Variants in CDC42SE2 observed in about 807,000 individuals in gnomAD.
CDC42SE2 encodes CDC42 small effector 2, also known as CDC42 small effector protein 2.
CDC42SE2 carries 3 observed loss-of-function variants against 11.5 expected under a neutral mutation model. The observed-to-expected ratio is 0.26, with a 90% confidence interval of 0.12 to 0.67. The LOEUF (loss-of-function observed/expected upper bound fraction) is 0.67, where lower values mean the gene tolerates loss of function less well. Among genes scored for constraint, CDC42SE2 ranks in the 30% least tolerant of loss-of-function variants. The probability of loss-of-function intolerance (pLI) is 0.80; values close to 1 mark genes in which losing one functional copy is unlikely to be tolerated. For missense variants in CDC42SE2, 82 were observed against 106.8 expected (o/e 0.77, Z 1.02); for synonymous variants, 33 against 34.8 (o/e 0.95, Z 0.18).
chr5:131,242,063 T>C (rs144434646), upstream of CDC42SE2, among the ~76,000 whole-genome samples: 9 of 152,348 alleles, frequency 5.9e-5, no homozygotes, highest in East Asian at 1.5e-3. Context: ...AATGAAAGCC[T>C]GGTATCTTAT....
chr5:131,306,704 A>G (rs940661951), intron 1 of CDC42SE2, among the ~76,000 whole-genome samples: 8 of 152,162 alleles, frequency 5.3e-5, no homozygotes, highest in Admixed American at 5.2e-4. Context: ...TAACAACATT[A>G]AAGATTCCAA....
intron 1 of CDC42SE2, among the ~76,000 whole-genome samples, chr5:131,284,621 T>C (rs1175304746): frequency 6.6e-6 from 1 of 152,106 alleles, no homozygotes; most frequent in Non-Finnish European, 1.5e-5. Flanking sequence ...CAGGCACATG[T>C]CATCATGCCC....
At chr5:131,367,251 A>G (rs1749888311) in intron 3 of CDC42SE2, among the ~76,000 whole-genome samples, 1 of 152,034 alleles carries the variant, frequency 6.6e-6, no homozygotes, top group Non-Finnish European at 1.5e-5. Flanking sequence ...CTGTTGGTGG[A>G]CATTTGAGTA....
At chr5:131,308,747 G>C (rs1005451114) in intron 1 of CDC42SE2, among the ~76,000 whole-genome samples, 1 of 149,364 alleles carries the variant, frequency 6.7e-6, no homozygotes, top group Non-Finnish European at 1.5e-5. Flanking sequence ...CTCTCTGTTT[G>C]TCTGTTGTTG....
chr5:131,344,805 CAGA>C (rs1034592134), intron 2 of CDC42SE2, among the ~76,000 whole-genome samples: 1 of 152,184 alleles, frequency 6.6e-6, no homozygotes, highest in African/African-American at 2.4e-5. Flanking sequence ...ACAAAGCTTC[CAGA>C]AGAAGGATCA....
At chr5:131,266,584 C>T (rs1013715281) in intron 1 of CDC42SE2, among the ~76,000 whole-genome samples, 1 of 151,734 alleles carries the variant, frequency 6.6e-6, no homozygotes. Flanking sequence ...CTCAGCCTCC[C>T]ATGTAGCTGG....
chr5:131,304,071 C>T (rs1757735112), intron 1 of CDC42SE2, among the ~76,000 whole-genome samples: 1 of 151,966 alleles, frequency 6.6e-6, no homozygotes, highest in Non-Finnish European at 1.5e-5. Context: ...GGAATCCTTG[C>T]ACCTCAGCCT....
chr5:131,349,715 G>A (rs988025493), intron 2 of CDC42SE2, among the ~76,000 whole-genome samples: 1 of 151,860 alleles, frequency 6.6e-6, no homozygotes, highest in African/African-American at 2.4e-5. Context: ...ATTTTATGCA[G>A]GTATTAAAAT....
chr5:131,338,674 A>G (rs1020625513), intron 2 of CDC42SE2, among the ~76,000 whole-genome samples: 2 of 152,204 alleles, frequency 1.3e-5, no homozygotes, highest in Admixed American at 1.3e-4. Context: ...AAACTAGAAC[A>G]TACAAAGATT....
chr5:131,300,884 A>G lies in CDC42SE2; in HGVS notation c.-454-15092A>G, dbSNP rs78243651. 3.2e-3 allele frequency among the ~76,000 whole-genome samples: 492 copies of G among 152,356 alleles called. 4 individuals are homozygous for G. Among genetic ancestry groups the G allele is most frequent in the African/African-American group, 0.011 (472 of 41,582 alleles). On this transcript the variant is annotated intron_variant, in intron 1 of 4. Coordinates refer to ENST00000505065, the MANE Select transcript of CDC42SE2 (RefSeq NM_001375635.1). The stretch of plus-strand genomic sequence containing the variant: ...ATTCTAGTTATAATGTGCATATTGC[A>G]TAATAAAATAGTTTCCGTTTTTTAG...
At chr5:131,292,593 G>C (rs562458215) in intron 1 of CDC42SE2, among the ~76,000 whole-genome samples, 1 of 140,806 alleles carries the variant, frequency 7.1e-6, no homozygotes, top group Non-Finnish European at 1.5e-5. Flanking sequence ...CAAAAAACTT[G>C]GTAATTTAAA....
rs556662817 is a variant in CDC42SE2 at position 131,351,703 on chromosome 5, A to G, written c.-285-7506A>G. 2.0e-5 allele frequency among the ~76,000 whole-genome samples: 3 copies of G among 152,366 alleles called. No homozygotes were observed. In the East Asian group the frequency reaches 5.8e-4, roughly 29 times the overall value. ...TAAAATTTAATTAAAAACAGATTAT[A>G]GGTATAAAAATAAAAGCTAAAAAGT... On this transcript the variant is annotated intron_variant, in intron 2 of 4. Transcript: ENST00000505065.
At chr5:131,349,877 T>C (rs541582096) in intron 2 of CDC42SE2, among the ~76,000 whole-genome samples, 177 of 152,250 alleles carry the variant, frequency 1.2e-3, no homozygotes, top group African/African-American at 4.1e-3. Flanking sequence ...TCTAGGAAGG[T>C]AGGGTTAATG....
chr5:131,239,071 G>A, the CDC42SE2 span, among the ~76,000 whole-genome samples: 1 of 151,442 alleles, frequency 6.6e-6, no homozygotes, highest in East Asian at 1.9e-4. Context: ...CAGGAGAACC[G>A]CTTCTACCCA....
chr5:131,344,896 T>C (rs1478644269), intron 2 of CDC42SE2, among the ~76,000 whole-genome samples: 1 of 152,116 alleles, frequency 6.6e-6, no homozygotes, highest in Non-Finnish European at 1.5e-5. Context: ...CGATCTGGAG[T>C]GGACCTCCAG....
chr5:131,263,518 C>G (rs1043738454), upstream of CDC42SE2: 2 of 152,214 alleles, frequency 1.3e-5, no homozygotes, highest in African/African-American at 4.8e-5. Flanking sequence ...CAGCCTTAAA[C>G]CAGTTAATGA....
the CDC42SE2 span, among the ~76,000 whole-genome samples, chr5:131,227,131 A>T: frequency 6.6e-6 from 1 of 152,238 alleles, no homozygotes; most frequent in South Asian, 2.1e-4. Context: ...CTGGGTGATG[A>T]CTCACGCCTG....
intron 2 of CDC42SE2, among the ~76,000 whole-genome samples, chr5:131,330,487 T>C (rs1758398610): frequency 6.6e-6 from 1 of 152,190 alleles, no homozygotes; most frequent in Non-Finnish European, 1.5e-5. Flanking sequence ...GGATTCCCTG[T>C]AGTAGAGGGA....
intron 2 of CDC42SE2, among the ~76,000 whole-genome samples, chr5:131,348,090 A>G (rs1758898034): frequency 6.6e-6 from 1 of 152,238 alleles, no homozygotes; most frequent in Admixed American, 6.5e-5. Flanking sequence ...GGCACAAGAC[A>G]GGGATGTCCT....
Sources: allele counts gnomAD v4.1 joint callset (sites outside exome capture counted in the v4.1 genomes callset), GRCh38; gene constraint gnomAD v4.1.1; transcripts MANE v1.5; gene names NCBI Gene and HGNC (gene_info 2026-07-23, HGNC 2026-07-21).